Variants in TNS1 observed in about 807,000 individuals in gnomAD.
TNS1 encodes tensin 1.
Under a neutral mutation model 168.6 loss-of-function variants are expected in TNS1, and 62 were observed. The observed-to-expected ratio is 0.37, with a 90% confidence interval of 0.30 to 0.45. The LOEUF is 0.45. Ranked by LOEUF, TNS1 falls within the 20% of genes least tolerant of loss-of-function variation. The pLI, the probability that TNS1 is intolerant of heterozygous loss-of-function variation, is 1.00. For synonymous variants in TNS1, 934 were observed against 933.2 expected (o/e 1.00, Z -0.02); for missense variants, 2,240 against 2,339.4 (o/e 0.96, Z 0.88).
chr2:217,935,064 G>A lies in TNS1; in HGVS notation c.187-14828C>T, dbSNP rs1301213532. On this transcript the variant is annotated intron_variant, in intron 3 of 32. Coordinates refer to ENST00000682258, the MANE Select transcript of TNS1 (RefSeq NM_001387777.1). ...ACGCCCCTGCCACAGGTCCTTCCGC[G>A]GCACTACACAGACCTCTCTCTCTGC... Among the ~76,000 whole-genome samples, 6 of 152,292 alleles carry A rather than the reference G, an allele frequency of 3.9e-5. No homozygotes were observed. The East Asian group carries it at 7.7e-4, about 20-fold the overall frequency.
intron 3 of TNS1, among the ~76,000 whole-genome samples, chr2:217,964,006 C>T (rs528701168): frequency 4.1e-4 from 63 of 152,260 alleles, no homozygotes; most frequent in Non-Finnish European, 5.1e-4. Context: ...AACCTTCCTC[C>T]CCACAACGTA....
chr2:217,973,011 A>G (rs1399852032), intron 3 of TNS1, among the ~76,000 whole-genome samples: 1 of 152,216 alleles, frequency 6.6e-6, no homozygotes, highest in Non-Finnish European at 1.5e-5. Flanking sequence ...AGAGAAAAGC[A>G]AAAAGGAAGA....
intron 22 of TNS1, among the ~76,000 whole-genome samples, chr2:217,822,168 C>CAG (rs1201478842): frequency 1.3e-5 from 2 of 152,140 alleles, no homozygotes; most frequent in Non-Finnish European, 2.9e-5. Context: ...TCCCAGGCCC[C>CAG]GCCTCAGAAC....
intron 3 of TNS1, among the ~76,000 whole-genome samples, chr2:217,940,862 G>A (rs1289489522): frequency 6.6e-6 from 1 of 152,116 alleles, no homozygotes; most frequent in Admixed American, 6.5e-5. Flanking sequence ...GCCCAAACCT[G>A]TTTGGTTTGG....
chr2:217,843,075 T>C (rs1341784504), intron 19 of TNS1, among the ~76,000 whole-genome samples: 1 of 152,018 alleles, frequency 6.6e-6, no homozygotes, highest in African/African-American at 2.4e-5. Flanking sequence ...TAGAAGTTCA[T>C]GTTGAATCGA....
chr2:217,891,941 C>G, intron 11 of TNS1, among the ~76,000 whole-genome samples: 1 of 152,214 alleles, frequency 6.6e-6, no homozygotes, highest in East Asian at 1.9e-4. Flanking sequence ...TCGCCACTGC[C>G]CTTCTTGAGT....
In TNS1 at chr2:217,818,352, G is replaced by A. The variant is rs376418427; in HGVS notation, c.3980C>T (p.Thr1327Ile). Residue 1327 changes from threonine to isoleucine, a missense_variant, in exon 24 of 33, where the codon ACT becomes ATT. Thr to Ile is a moderately conservative substitution (Grantham distance 89, BLOSUM62 -1). Around this residue, in one of 2 missense-constraint regions of TNS1, gnomAD observed 2,131 missense variants for 2,171.2 expected, o/e 0.98. Coordinates refer to ENST00000682258, the MANE Select transcript of TNS1 (RefSeq NM_001387777.1). The part of the protein sequence containing the change: ...SHHQMMGPPG[T>I]GFHGSTVSSP... Reference sequence around the variant, plus strand: ...GGAGACAGTGCTACCATGGAAGCCAGTGCCTGGTGGACCCATCATCTGGTG... The same window carrying A: ...GGAGACAGTGCTACCATGGAAGCCAATGCCTGGTGGACCCATCATCTGGTG... 60 of 1,614,062 alleles carry A rather than the reference G, an allele frequency of 3.7e-5. No individual in the cohort carries two copies. Among genetic ancestry groups the A allele is most frequent in the Non-Finnish European group, 4.9e-5 (58 of 1,180,060 alleles).
chr2:217,977,065 G>C (rs1013344809), intron 3 of TNS1, among the ~76,000 whole-genome samples: 2 of 152,170 alleles, frequency 1.3e-5, no homozygotes, highest in Admixed American at 1.3e-4. Flanking sequence ...AAAGAACAAA[G>C]TCTGATAATG....
At chr2:217,808,320 T>C (rs1004876642) in intron 31 of TNS1, among the ~76,000 whole-genome samples, 5 of 150,160 alleles carry the variant, frequency 3.3e-5, no homozygotes, top group Non-Finnish European at 5.9e-5. Context: ...GCCTGCCTCC[T>C]GAGGGGCTCT....
chr2:218,010,280 C>A lies in TNS1; in HGVS notation c.-85G>T, dbSNP rs1315037578. ...CTGGCGCAGAGTTCCGGGGTTGGGG[C>A]GGGGTAGGAAGGCGGGCGCCCTGCC... On this transcript the variant is annotated 5_prime_UTR_variant, in exon 1 of 33. Coordinates refer to the TNS1 transcript ENST00000646520. 4 of 397,594 alleles carry A rather than the reference C, an allele frequency of 1.0e-5. No individual in the cohort carries two copies. In the East Asian group the frequency reaches 1.1e-4, roughly 11 times the overall value. 24.6% of individuals were successfully genotyped at this position (397,594 alleles called of 1,614,324 possible). A position where few individuals can be genotyped will look rare whatever the true frequency, so the allele number is the denominator to read the frequency against.
At chr2:217,959,385 G>A (rs1358819987) in intron 3 of TNS1, among the ~76,000 whole-genome samples, 1 of 152,084 alleles carries the variant, frequency 6.6e-6, no homozygotes, top group Non-Finnish European at 1.5e-5. Flanking sequence ...TCTTAGCATG[G>A]AACCTGGTGT....
intron 23 of TNS1, among the ~76,000 whole-genome samples, chr2:217,819,986 G>C (rs571596122): frequency 6.6e-6 from 1 of 152,264 alleles, no homozygotes; most frequent in East Asian, 1.9e-4. Context: ...TGTGCTCTTG[G>C]GCCAGGCAAG....
rs1950574719 is a variant in TNS1 at position 217,880,399 on chromosome 2, C to T, written c.1429+499G>A. On this transcript the variant is annotated intron_variant, in intron 18 of 32. Coordinates refer to ENST00000682258, the MANE Select transcript of TNS1 (RefSeq NM_001387777.1). This position sits in a 1 kb window ranked among gnomAD's most constrained non-coding sequence, Gnocchi z 4.2. The stretch of plus-strand genomic sequence containing the variant: ...GGCTGTTGATGAAAGCTTGTAGGCC[C>T]TAGATCCTGTGCCTCTGTTCCTAGT... 6.6e-6 allele frequency among the ~76,000 whole-genome samples: 1 copy of T among 152,202 alleles called. No individual in the cohort carries two copies. Among genetic ancestry groups the T allele is most frequent in the Non-Finnish European group, 1.5e-5 (1 of 68,042 alleles).
At chr2:217,817,127 A>G (rs918275462) in intron 24 of TNS1, among the ~76,000 whole-genome samples, 1 of 152,210 alleles carries the variant, frequency 6.6e-6, no homozygotes, top group Non-Finnish European at 1.5e-5. Context: ...TTTCAAGGTC[A>G]TGCTAAATAT....
Position 217,801,287 on chromosome 2 carries a change from C to T in TNS1, c.*3172G>A, listed in dbSNP as rs890806891. ...AGGTCCCCTCTCCATTGTTTTCTCG[C>T]CCAATCCTTCCCTCTTGCTCCCTTT... On this transcript the variant is annotated 3_prime_UTR_variant, in exon 33 of 33. Transcript: ENST00000682258. 5.3e-5 allele frequency: 8 copies of T among 152,324 alleles called. No individual in the cohort carries two copies. Among genetic ancestry groups the T allele is most frequent in the African/African-American group, 1.9e-4 (8 of 41,458 alleles). 9.4% of individuals were successfully genotyped at this position (152,324 alleles called of 1,614,324 possible).
intron 4 of TNS1, among the ~76,000 whole-genome samples, 191 bp from the exon 5 acceptor site, chr2:217,907,442 C>T (rs1953846577): frequency 6.6e-6 from 1 of 152,210 alleles, no homozygotes; most frequent in Non-Finnish European, 1.5e-5. Flanking sequence ...GGAAAACCAT[C>T]CTAATAGTGC....
intron 19 of TNS1, among the ~76,000 whole-genome samples, chr2:217,838,148 C>T (rs1431150665): frequency 6.6e-6 from 1 of 152,254 alleles, no homozygotes; most frequent in Non-Finnish European, 1.5e-5. Flanking sequence ...TTCCGGGCTC[C>T]TCTGCCCCCA....
intron 21 of TNS1, 59 bp from the exon 22 acceptor site, chr2:217,831,606 C>T (rs576337551): frequency 5.1e-4 from 689 of 1,351,808 alleles, no homozygotes; most frequent in Non-Finnish European, 6.3e-4. Flanking sequence ...AGGGCAGACA[C>T]GCCAGGCACG....
chr2:217,837,486 C>G (rs1483738919), intron 19 of TNS1, among the ~76,000 whole-genome samples: 1 of 152,260 alleles, frequency 6.6e-6, no homozygotes, highest in Non-Finnish European at 1.5e-5. Flanking sequence ...GGCACAGCCA[C>G]TCTGAGACAC....
Sources: allele counts gnomAD v4.1 joint callset (sites outside exome capture counted in the v4.1 genomes callset), GRCh38; gene constraint gnomAD v4.1.1; regional missense constraint gnomAD v4.1.1; non-coding constraint Gnocchi (gnomAD v3.1); transcripts MANE v1.5; gene names NCBI Gene and HGNC (gene_info 2026-07-23, HGNC 2026-07-21).